PMS2: variants seen among roughly 807,000 people sequenced by gnomAD.
The protein encoded by PMS2 is mismatch repair endonuclease PMS2.
PMS2 carries 69 observed loss-of-function variants against 90.0 expected under a neutral mutation model. That is an observed-to-expected ratio of 0.77 (90% CI 0.63 to 0.94). The LOEUF (loss-of-function observed/expected upper bound fraction) is 0.94, where lower values mean the gene tolerates loss of function less well. PMS2 is among the 40% of genes least tolerant of loss of function. The pLI is 0.00. For missense variants in PMS2, 966 were observed against 1,040.2 expected, an observed-to-expected ratio of 0.93 and a Z score of 0.98; for synonymous variants, 332 against 375.1, an observed-to-expected ratio of 0.89 and a Z score of 1.33.
rs2128799910 is a variant in PMS2, at chr7:5,999,149, TG to T, written c.663del (p.Ser222AlafsTer2). On this transcript the variant is annotated frameshift_variant, in exon 6 of 15. Coordinates refer to ENST00000265849, the MANE Select transcript of PMS2 (RefSeq NM_000535.7). LOFTEE classifies it high-confidence loss of function. ...ACAGAGCCGATATTTTCCTTTATGC[TG>T]GGGCTTCCACCTGTGCATACCACAG... is the stretch of plus-strand genomic sequence containing the variant. ...RQPVVCTGGSPSIKENIGSVF... is the reference protein window; with the variant it reads ...RQPVVCTGGSXSIKENIGSVF... The T allele has an allele frequency of 6.2e-7, 1 of 1,614,136 alleles. No homozygotes were observed. The highest frequency in any genetic ancestry group is 1.1e-5 in the South Asian group (1 of 91,086).
intron 10 of PMS2, among the ~76,000 whole-genome samples, chr7:5,988,919 A>G (rs1194676090): frequency 2.0e-5 from 3 of 152,158 alleles, no homozygotes; most frequent in South Asian, 2.1e-4. Flanking sequence ...GCAGTGGCAC[A>G]ATCTTGGCTC....
rs876661002 is a variant in PMS2 at position 5,997,371 on chromosome 7, T to G, written c.758A>C (p.Glu253Ala). Reference protein sequence around the residue: ...VQLPPSDSVCEEYGLSCSDAL... With the variant: ...VQLPPSDSVCAEYGLSCSDAL... ...ATCGGAACAGCTCAAACCGTACTCT[T>G]CACACACGGAGTCACTAGGGGGCAG... The change falls in exon 7 of 15, where the codon GAA becomes GCA. Residue 253 changes from glutamate (E) to alanine (A), a missense_variant. By Grantham distance (107) the Glu-to-Ala change is moderately radical. This residue lies in a region of PMS2 where 871 missense variants were observed against 802.4 expected (regional missense o/e 1.09). Coordinates refer to ENST00000265849, the MANE Select transcript of PMS2 (RefSeq NM_000535.7). 1.9e-6 allele frequency: 3 copies of G among 1,606,754 alleles called. No homozygotes were observed. Among genetic ancestry groups the G allele is most frequent in the Non-Finnish European group, 2.6e-6 (3 of 1,174,608 alleles).
rs1453025055 is a variant in PMS2, at chr7:6,006,154, T to C, written c.24-123A>G. The C allele has an allele frequency of 1.1e-5, 12 of 1,072,506 alleles. No homozygotes were observed. In the East Asian group the frequency reaches 1.5e-4, roughly 13 times the overall value. 66.4% of individuals were successfully genotyped at this position (1,072,506 alleles called of 1,614,324 possible). On this transcript the variant is annotated intron_variant, in intron 1 of 14. Coordinates refer to ENST00000265849, the MANE Select transcript of PMS2 (RefSeq NM_000535.7). Reference sequence around the variant, plus strand: ...ATGGGTCTAATCTATTCATTTATTATATTAGCAAATACATTTATTATATCC... The same window carrying C: ...ATGGGTCTAATCTATTCATTTATTACATTAGCAAATACATTTATTATATCC...
At chr7:6,000,523 A>T (rs1416832280) in intron 5 of PMS2, among the ~76,000 whole-genome samples, 2 of 152,178 alleles carry the variant, frequency 1.3e-5, no homozygotes, top group African/African-American at 4.8e-5. Context: ...AAACACATGA[A>T]ATTAAAAGCA....
At position 6,002,507 on chromosome 7, in the gene PMS2, C is replaced by T. The variant is rs1193294479; in HGVS notation, c.483G>A (p.Gln161=). The part of the protein sequence containing the change: ...RPRGTTVSVQ[Q]LFSTLPVRHK... ...GGCGCACAGGTAGTGTGGAAAATAA[C>T]TGCTGCACGCTGACTGTGGTCCCTC... is the stretch of plus-strand genomic sequence containing the variant. The change falls in exon 5 of 15, where the codon CAG becomes CAA. Residue 161 remains glutamine (Q), a synonymous_variant. Coordinates refer to ENST00000265849, the MANE Select transcript of PMS2 (RefSeq NM_000535.7). 1.2e-6 allele frequency: 2 copies of T among 1,611,724 alleles called. No homozygotes were observed. Among genetic ancestry groups the T allele is most frequent in the South Asian group, 1.1e-5 (1 of 90,982 alleles).
chr7:5,982,740 G>C (rs2128701295), intron 12 of PMS2, 84 bp downstream of exon 12: 1 of 1,604,146 alleles, frequency 6.2e-7, no homozygotes, highest in Non-Finnish European at 8.5e-7. Flanking sequence ...TCAAACTCCT[G>C]GCCTCTTGTG....
Position 5,992,174 on chromosome 7 carries a change from T to A in PMS2, c.904-117A>T, listed in dbSNP as rs1239605257. 11 of 209,094 alleles carry A rather than the reference T, an allele frequency of 5.3e-5. No individual in the cohort carries two copies. In the East Asian group the frequency reaches 5.8e-4, roughly 11 times the overall value. 13.0% of individuals were successfully genotyped at this position (209,094 alleles called of 1,614,324 possible). ...GTTCTTAGAAGGGGATACTTTTTTGTTTTTTTTTTTTTTGAGTCAAGGTCT... is the reference window on the plus strand; with the variant it reads ...GTTCTTAGAAGGGGATACTTTTTTGATTTTTTTTTTTTTGAGTCAAGGTCT... On this transcript the variant is annotated intron_variant, in intron 8 of 14. Transcript: ENST00000265849.
chr7:5,991,123 A>G (rs926997082), intron 9 of PMS2, among the ~76,000 whole-genome samples: 2 of 152,218 alleles, frequency 1.3e-5, no homozygotes, highest in Admixed American at 1.3e-4. Flanking sequence ...AAAAATTAAA[A>G]TACCAAACTA....
intron 5 of PMS2, 97 bp downstream of exon 5, chr7:6,002,356 T>C: frequency 3.7e-6 from 3 of 816,316 alleles, no homozygotes; most frequent in Non-Finnish European, 6.3e-6. Context: ...CAATAATTTA[T>C]GGGAAGAGAA....
At chr7:5,981,774 T>G (rs1782306675) in intron 12 of PMS2, among the ~76,000 whole-genome samples, 1 of 151,794 alleles carries the variant, frequency 6.6e-6, no homozygotes, top group Non-Finnish European at 1.5e-5. Flanking sequence ...GGCAGGTTAC[T>G]CAACCTCTCT....
intron 1 of PMS2, among the ~76,000 whole-genome samples, chr7:6,007,775 T>A (rs1400237759): frequency 2.0e-5 from 3 of 151,990 alleles, no homozygotes; most frequent in African/African-American, 7.3e-5. Context: ...AAACTGCAGA[T>A]GACCTCACAG....
chr7:5,986,059 C>G (rs559325743), intron 11 of PMS2, among the ~76,000 whole-genome samples: 2 of 133,234 alleles, frequency 1.5e-5, no homozygotes, highest in African/African-American at 5.3e-5. Context: ...TGGCGCCGAT[C>G]CCAGGCTCTC....
chr7:5,985,156 G>A (rs1782715362), intron 11 of PMS2, among the ~76,000 whole-genome samples: 1 of 151,728 alleles, frequency 6.6e-6, no homozygotes, highest in Non-Finnish European at 1.5e-5. Flanking sequence ...GGAGTGCAAT[G>A]GCATGATCAT....
At chr7:6,007,331 G>C (rs1053757866) in intron 1 of PMS2, among the ~76,000 whole-genome samples, 29 of 152,022 alleles carry the variant, frequency 1.9e-4, no homozygotes, top group African/African-American at 6.5e-4. Flanking sequence ...GGCCAGGCTG[G>C]TCTCGAACTC....
intron 10 of PMS2, 42 bp from the exon 11 acceptor site, chr7:5,987,662 G>T (rs1217021461): frequency 2.4e-6 from 3 of 1,226,300 alleles, no homozygotes; most frequent in Admixed American, 3.4e-5. Context: ...GGACTATCCT[G>T]AAATGGTGAG....
intron 11 of PMS2, among the ~76,000 whole-genome samples, chr7:5,983,686 C>T (rs1375371406): frequency 6.6e-6 from 1 of 151,252 alleles, no homozygotes; most frequent in Non-Finnish European, 1.5e-5. Flanking sequence ...GTCTCACTCT[C>T]TGTTGCCCAG....
intron 11 of PMS2, among the ~76,000 whole-genome samples, chr7:5,984,199 T>C (rs1405035062): frequency 6.6e-6 from 1 of 151,826 alleles, no homozygotes; most frequent in Admixed American, 6.6e-5. Flanking sequence ...CTCCCACCAA[T>C]GGTGTGTAAG....
chr7:6,007,207 C>T (rs1423567014), intron 1 of PMS2, among the ~76,000 whole-genome samples: 1 of 152,050 alleles, frequency 6.6e-6, no homozygotes, highest in Non-Finnish European at 1.5e-5. Context: ...CCTCCGCCTC[C>T]CAGGTTCAAG....
intron 2 of PMS2, 141 bp from the exon 3 acceptor site, chr7:6,004,199 T>G (rs145477752): frequency 3.2e-6 from 2 of 620,730 alleles, no homozygotes; most frequent in Admixed American, 2.9e-5. Flanking sequence ...ATTTTGTATA[T>G]TTCATTGTTA....
Sources: allele counts gnomAD v4.1 joint callset (sites outside exome capture counted in the v4.1 genomes callset), GRCh38; gene constraint gnomAD v4.1.1; regional missense constraint gnomAD v4.1.1; transcripts MANE v1.5; gene names NCBI Gene and HGNC (gene_info 2026-07-23, HGNC 2026-07-21).